The following PPM1H variants were observed in gnomAD, a reference collection of about 807,000 sequenced individuals.
PPM1H encodes protein phosphatase, Mg2+/Mn2+ dependent 1H.
A neutral mutation model predicts 54.9 loss-of-function variants in PPM1H; 27 were observed. The ratio of observed to expected loss-of-function variants is 0.49; its 90% CI spans 0.36 to 0.68. PPM1H has a LOEUF of 0.68. Among genes scored for constraint, PPM1H ranks in the 30% least tolerant of loss-of-function variants. The pLI is 0.00. For missense variants in PPM1H, 596 were observed against 667.8 expected, an observed-to-expected ratio of 0.89 and a Z score of 1.19; for synonymous variants, 305 against 270.8, an observed-to-expected ratio of 1.13 and a Z score of -1.24.
rs1488743642 is a variant in PPM1H at position 62,720,164 on chromosome 12, T to G, written c.1073+7A>C. ...TGGTTCCGAGGCAGAGGAAGGCATG[T>G]TCTTACCAGCCTGTCATATTAAAGT... is the stretch of plus-strand genomic sequence containing the variant. On this transcript the variant is annotated splice_region_variant and intron_variant, in intron 6 of 9. Transcript: ENST00000228705. The G allele has an allele frequency of 6.3e-7, 1 of 1,581,766 alleles. No individual in the cohort carries two copies. Among genetic ancestry groups the G allele is most frequent in the East Asian group, 2.2e-5 (1 of 44,750 alleles).
chr12:62,675,332 A>G (rs2136621302), intron 8 of PPM1H, among the ~76,000 whole-genome samples: 1 of 152,354 alleles, frequency 6.6e-6, no homozygotes, highest in East Asian at 1.9e-4. Context: ...TTTTTAACAC[A>G]CAAGGCCTGG....
intron 8 of PPM1H, among the ~76,000 whole-genome samples, chr12:62,688,008 C>CAAAAA (rs57922128): frequency 1.0e-5 from 1 of 95,306 alleles, no homozygotes; most frequent in South Asian, 3.4e-4. Context: ...GACTCCATCT[C>CAAAAA]AAAAAAAAAA....
chr12:62,809,118 C>A (rs1198489736), intron 2 of PPM1H, among the ~76,000 whole-genome samples: 2 of 152,190 alleles, frequency 1.3e-5, no homozygotes, highest in Non-Finnish European at 2.9e-5. Flanking sequence ...GTGGTGCGAT[C>A]CTGGCTCACC....
chr12:62,829,631 G>A (rs1341284426), intron 2 of PPM1H, among the ~76,000 whole-genome samples: 3 of 152,108 alleles, frequency 2.0e-5, no homozygotes, highest in Non-Finnish European at 4.4e-5. Flanking sequence ...GGGGCACCAG[G>A]GTGTCTCCAC....
chr12:62,656,155 G>GTTCT (rs896609367), intron 9 of PPM1H, among the ~76,000 whole-genome samples: 7 of 152,246 alleles, frequency 4.6e-5, no homozygotes, highest in Non-Finnish European at 1.0e-4. Context: ...GCTGTCCTTA[G>GTTCT]TTCTTTTCCT....
At chr12:62,797,383 A>G (rs1039173571) in intron 3 of PPM1H, among the ~76,000 whole-genome samples, 5 of 152,190 alleles carry the variant, frequency 3.3e-5, no homozygotes, top group Non-Finnish European at 5.9e-5. Flanking sequence ...TGCCTATATG[A>G]CAACTCTTAC....
At chr12:62,819,092 G>A (rs992371492) in intron 2 of PPM1H, among the ~76,000 whole-genome samples, 8 of 150,044 alleles carry the variant, frequency 5.3e-5, no homozygotes, top group Non-Finnish European at 5.9e-5. Flanking sequence ...AAAGTGCTGG[G>A]AGTACAGGCG....
At chr12:62,752,919 G>A (rs1444030345) in intron 4 of PPM1H, among the ~76,000 whole-genome samples, 1 of 152,212 alleles carries the variant, frequency 6.6e-6, no homozygotes, top group Non-Finnish European at 1.5e-5. Flanking sequence ...GAGCAGAAGA[G>A]TTGGTCTGGA....
At chr12:62,789,480 T>C (rs1052607430) in intron 3 of PPM1H, among the ~76,000 whole-genome samples, 1 of 152,242 alleles carries the variant, frequency 6.6e-6, no homozygotes, top group Non-Finnish European at 1.5e-5. Flanking sequence ...TGACTTATAA[T>C]GACTTAAATG....
At chr12:62,787,349 G>A (rs1028609977) in intron 4 of PPM1H, among the ~76,000 whole-genome samples, 2 of 152,170 alleles carry the variant, frequency 1.3e-5, no homozygotes, top group African/African-American at 4.8e-5. Flanking sequence ...GAAGAGTCCT[G>A]TACTTTTACT....
chr12:62,706,344 G>T (rs1259439373), intron 6 of PPM1H, among the ~76,000 whole-genome samples: 1 of 152,126 alleles, frequency 6.6e-6, no homozygotes, highest in Non-Finnish European at 1.5e-5. Context: ...AGAAGCGCAG[G>T]CCTGAGTAAC....
At chr12:62,695,047 A>ATT (rs1279330705) in intron 6 of PPM1H, among the ~76,000 whole-genome samples, 3 of 152,330 alleles carry the variant, frequency 2.0e-5, no homozygotes, top group African/African-American at 7.2e-5. Context: ...AGTGCATTAA[A>ATT]AATCCTAATT....
chr12:62,684,087 A>G (rs1272192836), intron 8 of PPM1H, among the ~76,000 whole-genome samples: 1 of 152,152 alleles, frequency 6.6e-6, no homozygotes, highest in Non-Finnish European at 1.5e-5. Flanking sequence ...TTAATGGCAA[A>G]CTTCACTAAG....
chr12:62,771,490 C>G (rs73314579), intron 4 of PPM1H, among the ~76,000 whole-genome samples: 1 of 152,086 alleles, frequency 6.6e-6, no homozygotes, highest in Non-Finnish European at 1.5e-5. Flanking sequence ...AGCTCAGGAA[C>G]GCTATCAGAA....
chr12:62,675,604 A>G (rs540137348), intron 8 of PPM1H, among the ~76,000 whole-genome samples: 1 of 152,318 alleles, frequency 6.6e-6, no homozygotes, highest in East Asian at 1.9e-4. Context: ...GTGACCATAC[A>G]TCCCTGTTTA....
intron 1 of PPM1H, among the ~76,000 whole-genome samples, chr12:62,869,370 T>G (rs1217080569): frequency 6.6e-6 from 1 of 152,228 alleles, no homozygotes; most frequent in East Asian, 1.9e-4. Flanking sequence ...ATAAATTCAC[T>G]TAATCCTCAG....
intron 2 of PPM1H, among the ~76,000 whole-genome samples, chr12:62,821,528 G>A (rs1318022685): frequency 6.6e-6 from 1 of 152,196 alleles, no homozygotes; most frequent in East Asian, 1.9e-4. Flanking sequence ...AGAGAGAAAG[G>A]TCGGGTTACC....
At chr12:62,689,406 T>G (rs554354641) in intron 8 of PPM1H, among the ~76,000 whole-genome samples, 7 of 152,032 alleles carry the variant, frequency 4.6e-5, no homozygotes, top group Non-Finnish European at 1.0e-4. Flanking sequence ...TCTGAGCAAT[T>G]AGGAGTCAGT....
intron 8 of PPM1H, among the ~76,000 whole-genome samples, chr12:62,688,941 A>C (rs1415244090): frequency 6.6e-6 from 1 of 152,242 alleles, no homozygotes; most frequent in Non-Finnish European, 1.5e-5. Context: ...AGTTGCAGTT[A>C]GCCGATATCA....
Sources: gnomAD v4.1 joint callset for allele counts (sites outside exome capture counted in the v4.1 genomes callset) on GRCh38, gnomAD v4.1.1 for gene constraint, MANE v1.5 for transcripts, NCBI Gene and HGNC (gene_info 2026-07-23, HGNC 2026-07-21) for gene names.